The following RHOT1 variants were observed in gnomAD, a reference collection of about 807,000 sequenced individuals.
The protein encoded by RHOT1 is mitochondrial Rho GTPase 1.
Under a neutral mutation model 95.3 loss-of-function variants are expected in RHOT1, and 27 were observed. The observed-to-expected ratio is 0.28, with a 90% CI of 0.21 to 0.39. The LOEUF is 0.39. Ranked by LOEUF, RHOT1 falls within the 10% of genes least tolerant of loss-of-function variation. The pLI, the probability that RHOT1 is intolerant of heterozygous loss-of-function variation, is 1.00. For synonymous variants in RHOT1, 227 were observed against 263.5 expected, an observed-to-expected ratio of 0.86 and a Z score of 1.34; for missense variants, 578 against 786.7, an observed-to-expected ratio of 0.73 and a Z score of 3.17.
Position 32,142,703 on chromosome 17 carries a change from A to T in RHOT1, c.11A>T (p.Asp4Val). ...CCGAGAGCCGCCGACATGAAGAAAG[A>T]CGTGCGGATCCTGCTGGTGGGAGAA... is the stretch of plus-strand genomic sequence containing the variant. MKK[D>V]VRILLVGEPR... The change falls in exon 1 of 20, where the codon GAC (aspartate) becomes GTC (valine). Residue 4 changes from aspartate to valine, a missense_variant. Physicochemically the swap from Asp to Val is radical, Grantham distance 152. This residue lies in a region of RHOT1 where 51 missense variants were observed against 114.7 expected (regional missense o/e 0.44). Transcript: ENST00000545287. 1 of 1,529,822 alleles carries T rather than the reference A, an allele frequency of 6.5e-7. No individual in the cohort carries two copies. Among genetic ancestry groups the T allele is most frequent in the Non-Finnish European group, 8.8e-7 (1 of 1,139,178 alleles). The allele number at this position is 1,529,822 out of a possible 1,614,324, so 94.8% of individuals were successfully genotyped here.
chr17:32,184,944 A>G (rs1008268623), intron 8 of RHOT1, among the ~76,000 whole-genome samples: 1 of 152,016 alleles, frequency 6.6e-6, no homozygotes, highest in Admixed American at 6.6e-5. Context: ...TTTTGAAGAC[A>G]GAGTCTTGCT....
intron 15 of RHOT1, among the ~76,000 whole-genome samples, chr17:32,203,211 G>A (rs2142855649): frequency 6.8e-6 from 1 of 146,038 alleles, no homozygotes; most frequent in African/African-American, 2.5e-5. Flanking sequence ...TTGATATCTA[G>A]TTCTTACTAC....
intron 11 of RHOT1, among the ~76,000 whole-genome samples, chr17:32,195,188 A>T (rs2036787994): frequency 6.6e-6 from 1 of 150,608 alleles, no homozygotes; most frequent in African/African-American, 2.4e-5. Context: ...CTCAAACTCC[A>T]TGGCTCAAGC....
intron 8 of RHOT1, among the ~76,000 whole-genome samples, chr17:32,186,587 G>C (rs1445477770): frequency 6.6e-6 from 1 of 151,982 alleles, no homozygotes; most frequent in Non-Finnish European, 1.5e-5. Flanking sequence ...GGATGGTCTT[G>C]ATCTCCTGAC....
intron 1 of RHOT1, chr17:32,151,171 A>T: frequency 1.3e-6 from 1 of 781,814 alleles, no homozygotes. Flanking sequence ...TGAGTTTCAA[A>T]GCTAGTTTCT....
chr17:32,152,945 G>C (rs953669582), intron 1 of RHOT1, among the ~76,000 whole-genome samples: 47 of 152,106 alleles, frequency 3.1e-4, no homozygotes, highest in Middle Eastern at 6.8e-3. Flanking sequence ...CTGCATATAG[G>C]CATGCATCGC....
chr17:32,209,949 GA>G (rs968185494), intron 18 of RHOT1, among the ~76,000 whole-genome samples: 4 of 143,716 alleles, frequency 2.8e-5, no homozygotes, highest in Admixed American at 1.4e-4. Flanking sequence ...CAAAAAAAAT[GA>G]AAAAAAAATG....
Position 32,183,248 on chromosome 17 carries a change from C to G in RHOT1, c.516C>G (p.Pro172=). The change falls in exon 8 of 20, where the codon CCC becomes CCG. Residue 172 remains proline, a synonymous_variant. Transcript: ENST00000545287. ...AQKAVLHPTG[P]LYCPEEKEMK... is the part of the protein sequence containing the mutation. ...AAGCTGTTCTTCATCCTACAGGGCC[C>G]CTGTACTGCCCAGAGGAGAAGGAGG... is the stretch of plus-strand genomic sequence containing the variant. The G allele has an allele frequency of 6.6e-7, 1 of 1,507,130 alleles. No homozygotes were observed. Among genetic ancestry groups the G allele is most frequent in the Non-Finnish European group, 8.9e-7 (1 of 1,124,184 alleles). 93.4% of individuals were successfully genotyped at this position (1,507,130 alleles called of 1,614,324 possible).
intron 6 of RHOT1, among the ~76,000 whole-genome samples, chr17:32,182,133 A>C (rs936588036): frequency 6.6e-6 from 1 of 152,106 alleles, no homozygotes; most frequent in African/African-American, 2.4e-5. Flanking sequence ...TATTTCCTGC[A>C]TAGTACTTAC....
At chr17:32,204,075 C>T in intron 16 of RHOT1, 102 bp downstream of exon 16, 2 of 757,240 alleles carry the variant, frequency 2.6e-6, no homozygotes, top group Non-Finnish European at 4.3e-6. Context: ...CTCTGTAGAA[C>T]TTCTGTGTGA....
intron 1 of RHOT1, chr17:32,150,937 C>A: frequency 6.5e-7 from 1 of 1,548,514 alleles, no homozygotes; most frequent in Non-Finnish European, 8.8e-7. Context: ...TGGAAGGTAT[C>A]TGGTTTGGTT....
intron 2 of RHOT1, chr17:32,173,065 G>T (rs1402902961): frequency 6.6e-6 from 1 of 152,220 alleles, no homozygotes; most frequent in Non-Finnish European, 1.5e-5. Flanking sequence ...CACTGAGTCT[G>T]TGTCACATCT....
intron 19 of RHOT1, among the ~76,000 whole-genome samples, chr17:32,218,606 C>G (rs1385519407): frequency 1.3e-5 from 2 of 151,668 alleles, no homozygotes; most frequent in Non-Finnish European, 1.5e-5. Context: ...CCAGGAGTTC[C>G]AGACCAGCCT....
chr17:32,165,353 A>AC (rs1228860079), intron 1 of RHOT1, among the ~76,000 whole-genome samples: 15 of 150,222 alleles, frequency 1.0e-4, no homozygotes, highest in Non-Finnish European at 1.8e-4. Context: ...AAAAAAAAAA[A>AC]AAAAAAAAAC....
At chr17:32,156,334 A>G (rs1396428774) in intron 1 of RHOT1, among the ~76,000 whole-genome samples, 2 of 152,258 alleles carry the variant, frequency 1.3e-5, no homozygotes, top group East Asian at 3.9e-4. Context: ...TGGTGTGATC[A>G]TGGCTCACTG....
intron 1 of RHOT1, chr17:32,160,482 C>T (rs1479925080): frequency 6.6e-6 from 1 of 152,320 alleles, no homozygotes; most frequent in Non-Finnish European, 1.5e-5. Context: ...GAAACATGCC[C>T]CTTGCTTGCT....
At chr17:32,142,814 C>T in intron 1 of RHOT1, 85 bp downstream of exon 1, 1 of 1,204,176 alleles carries the variant, frequency 8.3e-7, no homozygotes, top group East Asian at 2.5e-5. Context: ...CCCTGCAGCC[C>T]CAACCTTTGC....
At chr17:32,194,172 A>C in intron 11 of RHOT1, 65 bp downstream of exon 11, 1 of 1,544,994 alleles carries the variant, frequency 6.5e-7, no homozygotes, top group Non-Finnish European at 8.9e-7. Context: ...GGATCTCACT[A>C]TGTTTCCCAG....
intron 1 of RHOT1, among the ~76,000 whole-genome samples, chr17:32,151,732 A>G (rs560562619): frequency 2.0e-4 from 31 of 152,148 alleles, no homozygotes; most frequent in African/African-American, 7.5e-4. Context: ...AATACAAAAA[A>G]TTAGCCGGGC....
Sources: gnomAD v4.1 joint callset for allele counts (sites outside exome capture counted in the v4.1 genomes callset) on GRCh38, gnomAD v4.1.1 for gene constraint, gnomAD v4.1.1 regional missense constraint, MANE v1.5 for transcripts, NCBI Gene and HGNC (gene_info 2026-07-23, HGNC 2026-07-21) for gene names.